TMEM132D: variants seen among roughly 807,000 people sequenced by gnomAD.
TMEM132D encodes the protein transmembrane protein 132D.
A neutral mutation model predicts 62.3 loss-of-function variants in TMEM132D; 21 were observed. The ratio of observed to expected loss-of-function variants is 0.34; its 90% CI spans 0.24 to 0.49. The LOEUF (loss-of-function observed/expected upper bound fraction) is 0.49, where lower values mean the gene tolerates loss of function less well. Ranked by LOEUF, TMEM132D falls within the 20% of genes least tolerant of loss-of-function variation. The pLI is 0.99. For missense variants in TMEM132D, 1,346 were observed against 1,402.8 expected (o/e 0.96, Z 0.65); for synonymous variants, 621 against 575.6 (o/e 1.08, Z -1.13).
At chr12:129,875,602 G>A (rs1007349423) in intron 1 of TMEM132D, among the ~76,000 whole-genome samples, 7 of 152,228 alleles carry the variant, frequency 4.6e-5, no homozygotes, top group Middle Eastern at 3.4e-3. Context: ...CAGGCATGGC[G>A]GGGAAGAGAG....
intron 5 of TMEM132D, among the ~76,000 whole-genome samples, chr12:129,146,493 A>G (rs1406991823): frequency 6.6e-6 from 1 of 152,194 alleles, no homozygotes; most frequent in Non-Finnish European, 1.5e-5. Flanking sequence ...ACATCACATC[A>G]ACCCTTAATG....
intron 4 of TMEM132D, among the ~76,000 whole-genome samples, chr12:129,317,922 G>A (rs1235903745): frequency 3.3e-5 from 5 of 152,016 alleles, no homozygotes; most frequent in Non-Finnish European, 2.9e-5. Context: ...TCTTCTACTT[G>A]TTCAATTCTG....
chr12:129,781,446 T>C (rs561913349), intron 1 of TMEM132D, among the ~76,000 whole-genome samples: 1 of 152,344 alleles, frequency 6.6e-6, no homozygotes, highest in Middle Eastern at 3.4e-3. Context: ...ATTATAAATG[T>C]ATACAATGAT....
In TMEM132D at chr12:129,125,588, T is replaced by A. The variant is rs1054120393; in HGVS notation, c.1444-40886A>T. Among the ~76,000 whole-genome samples, 5 of 144,404 alleles carry A rather than the reference T, an allele frequency of 3.5e-5. No individual in the cohort carries two copies. In the Admixed American group the frequency reaches 3.6e-4, roughly 10 times the overall value. 94.7% of individuals were successfully genotyped at this position (144,404 alleles called of 152,430 possible). ...GACACAATCACAGCTCACTGCAGCC[T>A]CAACCTGCTGGGCTCAAGCTTCCTG... On this transcript the variant is annotated intron_variant, in intron 5 of 8. Transcript: ENST00000422113.
chr12:129,358,355 A>G (rs550915644), intron 3 of TMEM132D, among the ~76,000 whole-genome samples: 2 of 152,184 alleles, frequency 1.3e-5, no homozygotes, highest in Non-Finnish European at 2.9e-5. Flanking sequence ...TAGGTTAAAG[A>G]TGAGCTAAAG....
chr12:129,865,439 A>G (rs1475302953), intron 1 of TMEM132D, among the ~76,000 whole-genome samples: 1 of 152,202 alleles, frequency 6.6e-6, no homozygotes, highest in Non-Finnish European at 1.5e-5. Flanking sequence ...ATGGGTCCAC[A>G]GCAGTGAGTT....
intron 2 of TMEM132D, among the ~76,000 whole-genome samples, chr12:129,658,809 C>T (rs1445292449): frequency 6.6e-6 from 1 of 152,142 alleles, no homozygotes; most frequent in Non-Finnish European, 1.5e-5. Context: ...GAAGGTCAAG[C>T]CACATGGACA....
chr12:129,824,858 C>T (rs1298324921), intron 1 of TMEM132D, among the ~76,000 whole-genome samples: 1 of 152,192 alleles, frequency 6.6e-6, no homozygotes, highest in African/African-American at 2.4e-5. Context: ...CTCCCACTAT[C>T]TGGCAAGTAT....
At chr12:129,106,165 G>A (rs1323433741) in intron 5 of TMEM132D, among the ~76,000 whole-genome samples, 1 of 150,738 alleles carries the variant, frequency 6.6e-6, no homozygotes, top group Non-Finnish European at 1.5e-5. Context: ...ACTATCGTAA[G>A]AACAAAAAAC....
At chr12:129,800,501 G>C (rs940711333) in intron 1 of TMEM132D, among the ~76,000 whole-genome samples, 3 of 152,146 alleles carry the variant, frequency 2.0e-5, no homozygotes, top group Non-Finnish European at 2.9e-5. Context: ...TATAAATCCA[G>C]ATATTGAATA....
chr12:129,152,340 C>G (rs539307826), intron 5 of TMEM132D, among the ~76,000 whole-genome samples: 25 of 152,184 alleles, frequency 1.6e-4, no homozygotes, highest in Non-Finnish European at 2.9e-4. Context: ...TGGGTTTTAA[C>G]AAAGCAGAGC....
chr12:129,472,797 T>A (rs1261574969), intron 3 of TMEM132D, among the ~76,000 whole-genome samples: 1 of 152,200 alleles, frequency 6.6e-6, no homozygotes. Context: ...TCAAATAGCA[T>A]CACATGCTAC....
At chr12:129,875,472 G>C (rs531999435) in intron 1 of TMEM132D, among the ~76,000 whole-genome samples, 1 of 152,206 alleles carries the variant, frequency 6.6e-6, no homozygotes, top group Non-Finnish European at 1.5e-5. Context: ...CGTTGCCGAC[G>C]TCCGACTGCT....
chr12:129,258,018 T>C (rs1178348894), intron 4 of TMEM132D, among the ~76,000 whole-genome samples: 2 of 152,160 alleles, frequency 1.3e-5, no homozygotes, highest in African/African-American at 2.4e-5. Flanking sequence ...GCAACTAAAC[T>C]CATGCAACAA....
chr12:129,154,297 C>T lies in TMEM132D; in HGVS notation c.1443+55223G>A, dbSNP rs574537730. 3.9e-5 allele frequency among the ~76,000 whole-genome samples: 6 copies of T among 152,274 alleles called. No individual in the cohort carries two copies. The South Asian group carries it at 1.2e-3, about 32-fold the overall frequency. ...ACAAGAGGGCTGTGCACTCTACTCA[C>T]GTCAGAGTGCTGCCTTCATTCTCAT... On this transcript the variant is annotated intron_variant, in intron 5 of 8. Coordinates refer to ENST00000422113, the MANE Select transcript of TMEM132D (RefSeq NM_133448.3).
intron 5 of TMEM132D, among the ~76,000 whole-genome samples, chr12:129,114,385 A>ACTCCTTCCTTCCTTCC (rs1270716156): frequency 2.1e-5 from 3 of 140,202 alleles, no homozygotes; most frequent in Non-Finnish European, 4.6e-5. Context: ...ACAGTTGGAA[A>ACTCCTTCCTTCCTTCC]CTCCTTCCTT....
At position 129,892,610 on chromosome 12, in the gene TMEM132D, A is replaced by AT. The variant is rs910022963; in HGVS notation, c.79+10650dup. Reference sequence around the variant, plus strand: ...GCACTTGCATAACTGTAAAATTTGGATTTTTTTCCCAAGTATTATTACTTA... The same window carrying AT: ...GCACTTGCATAACTGTAAAATTTGGATTTTTTTTCCCAAGTATTATTACTTA... On this transcript the variant is annotated intron_variant, in intron 1 of 8. Transcript: ENST00000422113. Among the ~76,000 whole-genome samples the AT allele has an allele frequency of 9.9e-5, 15 of 151,838 alleles. 1 individual carries two copies. The East Asian group carries it at 1.7e-3, about 18-fold the overall frequency.
chr12:129,903,483 C>T lies in TMEM132D; in HGVS notation c.-144G>A. On this transcript the variant is annotated 5_prime_UTR_variant, in exon 1 of 9. Coordinates refer to ENST00000422113, the MANE Select transcript of TMEM132D (RefSeq NM_133448.3). This position sits in a 1 kb window ranked among gnomAD's most constrained non-coding sequence, Gnocchi z 6.2. Reference sequence around the variant, plus strand: ...GCCCGAGCAGCCCGGGCGCCCTGCTCCCTCTTCCCGCCAGTCCATGGCCAG... The same window carrying T: ...GCCCGAGCAGCCCGGGCGCCCTGCTTCCTCTTCCCGCCAGTCCATGGCCAG... 1.3e-6 allele frequency: 1 copy of T among 787,834 alleles called. No homozygotes were observed. Among genetic ancestry groups the T allele is most frequent in the Admixed American group, 2.7e-5 (1 of 37,646 alleles). 48.8% of individuals were successfully genotyped at this position (787,834 alleles called of 1,614,324 possible).
chr12:129,869,130 T>C (rs2137375491), intron 1 of TMEM132D, among the ~76,000 whole-genome samples: 1 of 152,130 alleles, frequency 6.6e-6, no homozygotes, highest in South Asian at 2.1e-4. Flanking sequence ...CTGCACCCCA[T>C]TATACATTGT....
Sources: gnomAD v4.1 joint callset for allele counts (sites outside exome capture counted in the v4.1 genomes callset) on GRCh38, gnomAD v4.1.1 for gene constraint, Gnocchi (gnomAD v3.1) non-coding constraint, MANE v1.5 for transcripts, NCBI Gene and HGNC (gene_info 2026-07-23, HGNC 2026-07-21) for gene names.